The following AGBL1 variants were observed in gnomAD, a reference collection of about 807,000 sequenced individuals.
AGBL1 encodes cytosolic carboxypeptidase 4.
In AGBL1, 130 loss-of-function variants were observed where a neutral mutation model predicts 118.9. The observed-to-expected ratio is 1.09, with a 90% CI of 0.95 to 1.26. The LOEUF is 1.26. AGBL1 is among the 50% of genes most tolerant of loss of function. AGBL1 has a pLI of 0.00. For synonymous variants in AGBL1, 555 were observed against 478.9 expected (o/e 1.16, Z -2.08); for missense variants, 1,584 against 1,298.1 (o/e 1.22, Z -3.38).
chr15:86,739,526 G>T (rs2077648432), intron 22 of AGBL1, among the ~76,000 whole-genome samples: 2 of 149,470 alleles, frequency 1.3e-5, no homozygotes, highest in Non-Finnish European at 1.5e-5. Context: ...TTTTTTCGGG[G>T]GGAGCAAGAA....
chr15:86,177,721 A>G (rs2077500294), intron 5 of AGBL1, among the ~76,000 whole-genome samples: 1 of 152,204 alleles, frequency 6.6e-6, no homozygotes, highest in Admixed American at 6.5e-5. Flanking sequence ...TCAAAAGTGA[A>G]ACTAGAAAGT....
At chr15:86,647,744 A>G (rs2085308660) in intron 21 of AGBL1, among the ~76,000 whole-genome samples, 1 of 152,200 alleles carries the variant, frequency 6.6e-6, no homozygotes, top group African/African-American at 2.4e-5. Context: ...TATACAATGC[A>G]CAATAAATGC....
intron 17 of AGBL1, among the ~76,000 whole-genome samples, chr15:86,366,666 G>A (rs558747264): frequency 1.3e-5 from 2 of 152,270 alleles, no homozygotes; most frequent in East Asian, 3.9e-4. Context: ...TTGGAAGGAT[G>A]TTTCCCATCA....
chr15:86,535,022 A>G (rs547499069), intron 19 of AGBL1, among the ~76,000 whole-genome samples: 51 of 152,330 alleles, frequency 3.3e-4, no homozygotes, highest in Non-Finnish European at 6.6e-4. Flanking sequence ...CTAGGTACAC[A>G]TTTACCTAAA....
At chr15:86,604,022 G>A (rs2084536137) in intron 21 of AGBL1, among the ~76,000 whole-genome samples, 1 of 152,106 alleles carries the variant, frequency 6.6e-6, no homozygotes, top group Admixed American at 6.5e-5. Flanking sequence ...TTCACACAAT[G>A]TGAAATTTCA....
intron 18 of AGBL1, among the ~76,000 whole-genome samples, chr15:86,465,185 C>A (rs758370071): frequency 1.4e-4 from 21 of 152,008 alleles, no homozygotes; most frequent in Non-Finnish European, 2.6e-4. Flanking sequence ...ATTTCTTATG[C>A]CTGTCTTTAC....
intron 18 of AGBL1, among the ~76,000 whole-genome samples, chr15:86,453,171 A>G (rs1197215720): frequency 1.3e-5 from 2 of 152,208 alleles, no homozygotes; most frequent in Non-Finnish European, 2.9e-5. Context: ...AGTACACAGT[A>G]GGCACTCAAT....
At chr15:86,119,752 C>T (rs1897981772) in intron 1 of AGBL1, among the ~76,000 whole-genome samples, 1 of 151,936 alleles carries the variant, frequency 6.6e-6, no homozygotes, top group Admixed American at 6.6e-5. Flanking sequence ...TATGACTGTG[C>T]AGACTGCAAG....
intron 16 of AGBL1, among the ~76,000 whole-genome samples, chr15:86,285,526 C>G (rs144153208): frequency 3.1e-4 from 47 of 152,278 alleles, no homozygotes; most frequent in Non-Finnish European, 5.4e-4. Flanking sequence ...GCCCTCTTGC[C>G]TGCCACCATG....
At chr15:86,787,660 T>C (rs2078432819) in intron 22 of AGBL1, among the ~76,000 whole-genome samples, 1 of 152,228 alleles carries the variant, frequency 6.6e-6, no homozygotes, top group Non-Finnish European at 1.5e-5. Context: ...TGTTTCCATA[T>C]TTTGCCTAAT....
chr15:86,730,607 T>C (rs1186708108), intron 22 of AGBL1, among the ~76,000 whole-genome samples: 2 of 152,210 alleles, frequency 1.3e-5, no homozygotes, highest in Admixed American at 1.3e-4. Flanking sequence ...TGCCATTTGC[T>C]TTCCTGGTAG....
chr15:86,128,367 T>C (rs188287565), intron 1 of AGBL1, among the ~76,000 whole-genome samples: 1 of 152,286 alleles, frequency 6.6e-6, no homozygotes, highest in East Asian at 1.9e-4. Flanking sequence ...GATCTCCACC[T>C]GGCCCTGCCC....
In AGBL1 at chr15:86,951,200, T is replaced by C. The variant is rs57344750; in HGVS notation, c.3222-36787T>C. Among the ~76,000 whole-genome samples the C allele has an allele frequency of 4.3e-3, 655 of 152,308 alleles. 4 individuals are homozygous for C. The highest frequency in any genetic ancestry group is 0.014 in the African/African-American group (586 of 41,568). On this transcript the variant is annotated intron_variant, in intron 23 of 24. Transcript: ENST00000441037. ...TGCCTCATTGTACTCCTGGACCTAA[T>C]GTTAAGTGTTGGTGAGGATAAGAAG...
chr15:86,283,830 AAGGACATCTGAATTCC>A (rs1037117521), intron 16 of AGBL1, among the ~76,000 whole-genome samples: 3 of 152,164 alleles, frequency 2.0e-5, no homozygotes, highest in African/African-American at 7.2e-5. Flanking sequence ...CTTTGACAAC[AAGGACATCTGAATTCC>A]AGGGTCTTGG....
chr15:86,978,270 T>A (rs1038722954), intron 23 of AGBL1, among the ~76,000 whole-genome samples: 1 of 152,154 alleles, frequency 6.6e-6, no homozygotes, highest in Non-Finnish European at 1.5e-5. Flanking sequence ...AGAATGAAAG[T>A]AGATCTTCTT....
At chr15:86,986,233 A>G (rs746935336) in intron 23 of AGBL1, among the ~76,000 whole-genome samples, 2 of 152,164 alleles carry the variant, frequency 1.3e-5, no homozygotes, top group African/African-American at 4.8e-5. Context: ...CAGGATATCA[A>G]TTGTTAGAGT....
chr15:86,152,639 G>T (rs1337876663), intron 3 of AGBL1, among the ~76,000 whole-genome samples: 1 of 152,036 alleles, frequency 6.6e-6, no homozygotes, highest in Non-Finnish European at 1.5e-5. Flanking sequence ...CAAAAGCAAT[G>T]GCAACAAAAA....
At chr15:86,889,090 G>A (rs1465585101) in intron 22 of AGBL1, among the ~76,000 whole-genome samples, 5 of 151,880 alleles carry the variant, frequency 3.3e-5, no homozygotes, top group Non-Finnish European at 7.4e-5. Context: ...CTTTTACAAC[G>A]TTTATAATTT....
chr15:86,607,785 T>C (rs2084598202), intron 21 of AGBL1, among the ~76,000 whole-genome samples: 1 of 152,180 alleles, frequency 6.6e-6, no homozygotes. Flanking sequence ...AGTTTTAAGA[T>C]GTGCTTTGCT....
Sources: allele counts gnomAD v4.1 joint callset (sites outside exome capture counted in the v4.1 genomes callset), GRCh38; gene constraint gnomAD v4.1.1; transcripts MANE v1.5; gene names NCBI Gene and HGNC (gene_info 2026-07-23, HGNC 2026-07-21).